Variants in MAF observed in about 807,000 individuals in gnomAD.
MAF encodes the protein MAF bZIP transcription factor, also known as transcription factor Maf.
A neutral mutation model predicts 22.0 loss-of-function variants in MAF; 10 were observed. The observed-to-expected ratio is 0.45, with a 90% CI of 0.28 to 0.77. MAF has a LOEUF of 0.77. Among genes scored for constraint, MAF ranks in the 30% least tolerant of loss-of-function variants. The probability of loss-of-function intolerance (pLI) is 0.12; values close to 1 mark genes in which losing one functional copy is unlikely to be tolerated. For missense variants in MAF, 544 were observed against 548.4 expected (o/e 0.99, Z 0.08); for synonymous variants, 337 against 255.8 (o/e 1.32, Z -3.03).
the MAF span, among the ~76,000 whole-genome samples, chr16:79,272,489 C>G: frequency 3.9e-5 from 6 of 152,254 alleles, no homozygotes; most frequent in South Asian, 1.2e-3. Flanking sequence ...GCTTTCATCT[C>G]TGCACACCGA....
intron 1 of MAF, among the ~76,000 whole-genome samples, chr16:79,588,372 A>G (rs2143712942): frequency 6.6e-6 from 1 of 152,326 alleles, no homozygotes; most frequent in African/African-American, 2.4e-5. Flanking sequence ...TGACTGATGA[A>G]GTCTGCCTTT....
the MAF span, among the ~76,000 whole-genome samples, chr16:79,486,107 A>G: frequency 6.6e-6 from 1 of 152,208 alleles, no homozygotes; most frequent in Non-Finnish European, 1.5e-5. Context: ...TGACTCTCCA[A>G]TAACTATCGC....
At position 79,587,871 on chromosome 16, in the gene MAF, G is replaced by A. The variant is rs948506877; in HGVS notation, c.1119-1930C>T. ...TTATCAAAGCATTTACTTTCAAAAG[G>A]GGGGGGGGGGTAGATACTATTTGCA... On this transcript the variant is annotated intron_variant, in intron 1 of 1. Transcript: ENST00000569649. 1.1e-3 allele frequency among the ~76,000 whole-genome samples: 51 copies of A among 45,262 alleles called. No homozygotes were observed. The East Asian group carries it at 0.019, about 17-fold the overall frequency. 29.7% of individuals were successfully genotyped at this position (45,262 alleles called of 152,430 possible).
At chr16:79,427,419 T>C in the MAF span, among the ~76,000 whole-genome samples, 1 of 152,234 alleles carries the variant, frequency 6.6e-6, no homozygotes, top group Non-Finnish European at 1.5e-5. Context: ...TCTACCTAGC[T>C]CTTTAAGCAC....
At chr16:79,411,513 G>A in the MAF span, among the ~76,000 whole-genome samples, 1 of 152,204 alleles carries the variant, frequency 6.6e-6, no homozygotes, top group Admixed American at 6.5e-5. Flanking sequence ...CAGGGCAGAA[G>A]ATGAGAGCCC....
At chr16:79,545,851 A>G in the MAF span, among the ~76,000 whole-genome samples, 1 of 152,152 alleles carries the variant, frequency 6.6e-6, no homozygotes, top group African/African-American at 2.4e-5. Flanking sequence ...ATAGTTAATA[A>G]CAATGTATAC....
the MAF span, chr16:79,212,406 G>C: frequency 2.4e-6 from 1 of 421,714 alleles, no homozygotes; most frequent in Non-Finnish European, 4.2e-6. Flanking sequence ...ACTTGTCATA[G>C]ACTCCTTTGC....
chr16:79,207,283 G>C, the MAF span, among the ~76,000 whole-genome samples: 1 of 152,256 alleles, frequency 6.6e-6, no homozygotes, highest in African/African-American at 2.4e-5. Flanking sequence ...TTGTCCAACA[G>C]ACACCAGATG....
chr16:79,505,206 G>T, the MAF span, among the ~76,000 whole-genome samples: 3 of 152,072 alleles, frequency 2.0e-5, no homozygotes, highest in East Asian at 5.8e-4. Flanking sequence ...GTAAAGCATT[G>T]ACATTTTTCT....
chr16:79,456,932 T>C, the MAF span, among the ~76,000 whole-genome samples: 1 of 142,588 alleles, frequency 7.0e-6, no homozygotes, highest in East Asian at 2.1e-4. Flanking sequence ...AAAGCCATGT[T>C]TTTACACACA....
At chr16:79,226,616 C>T in the MAF span, among the ~76,000 whole-genome samples, 4 of 151,966 alleles carry the variant, frequency 2.6e-5, no homozygotes, top group Non-Finnish European at 5.9e-5. Context: ...TTTTGTTAAA[C>T]CTACATTCAT....
chr16:79,478,395 T>C, the MAF span, among the ~76,000 whole-genome samples: 59,423 of 152,054 alleles, frequency 0.39, 12,585 homozygotes, highest in Middle Eastern at 0.51. Flanking sequence ...GGGACCAGAA[T>C]GGGAGTCCAG....
the MAF span, chr16:79,202,665 G>C: frequency 6.6e-6 from 1 of 152,194 alleles, no homozygotes; most frequent in African/African-American, 2.4e-5. Flanking sequence ...TAAAGAGTTT[G>C]AGAGAGTTTT....
chr16:79,482,514 T>A, the MAF span, among the ~76,000 whole-genome samples: 1 of 152,140 alleles, frequency 6.6e-6, no homozygotes, highest in South Asian at 2.1e-4. Flanking sequence ...TCCTGCTTGA[T>A]AAGAAGGAGC....
the MAF span, among the ~76,000 whole-genome samples, chr16:79,515,799 C>G: frequency 6.6e-6 from 1 of 152,150 alleles, no homozygotes; most frequent in African/African-American, 2.4e-5. Context: ...GGTCTGAGAT[C>G]CAGTGATGGA....
At chr16:79,378,527 T>C in the MAF span, among the ~76,000 whole-genome samples, 1 of 152,220 alleles carries the variant, frequency 6.6e-6, no homozygotes. Context: ...CTGTATGTTA[T>C]ATGTTACACT....
At chr16:79,257,595 C>G in the MAF span, among the ~76,000 whole-genome samples, 3 of 152,188 alleles carry the variant, frequency 2.0e-5, no homozygotes, top group African/African-American at 7.2e-5. Context: ...TTATCTTGCT[C>G]AGCCTCAGCC....
the MAF span, among the ~76,000 whole-genome samples, chr16:79,360,492 A>G: frequency 6.6e-6 from 1 of 152,160 alleles, no homozygotes; most frequent in Non-Finnish European, 1.5e-5. Context: ...TCTCATCTGT[A>G]ACTTGCAGGT....
At chr16:79,369,186 G>A in the MAF span, among the ~76,000 whole-genome samples, 2 of 152,228 alleles carry the variant, frequency 1.3e-5, no homozygotes, top group Non-Finnish European at 2.9e-5. Context: ...TAGTTGCCCA[G>A]AGTTTTGTAG....
Sources: allele counts gnomAD v4.1 joint callset (sites outside exome capture counted in the v4.1 genomes callset), GRCh38; gene constraint gnomAD v4.1.1; transcripts MANE v1.5; gene names NCBI Gene and HGNC (gene_info 2026-07-23, HGNC 2026-07-21).